The following TMEM200A variants were observed in gnomAD, a reference collection of about 807,000 sequenced individuals.
TMEM200A encodes two transmembrane C.
In TMEM200A, 12 loss-of-function variants were observed where a neutral mutation model predicts 24.3. The ratio of observed to expected loss-of-function variants is 0.49; its 90% CI spans 0.32 to 0.80. TMEM200A has a LOEUF of 0.80. Among genes scored for constraint, TMEM200A ranks in the 30% least tolerant of loss-of-function variants. The pLI is 0.04. For synonymous variants in TMEM200A, 224 were observed against 224.4 expected (o/e 1.00, Z 0.02); for missense variants, 545 against 614.4 (o/e 0.89, Z 1.19).
intron 1 of TMEM200A, among the ~76,000 whole-genome samples, chr6:130,373,274 T>G (rs1456658179): frequency 1.3e-5 from 2 of 152,162 alleles, no homozygotes. Flanking sequence ...AGAGATGTTG[T>G]TAGATTTTCT....
intron 1 of TMEM200A, chr6:130,381,948 C>G: frequency 1.0e-6 from 1 of 985,416 alleles, no homozygotes; most frequent in Non-Finnish European, 1.2e-6. Context: ...CACTCCAGAA[C>G]ACACTGCCAT....
chr6:130,414,224 G>A lies in TMEM200A; in HGVS notation c.-16-26183G>A, dbSNP rs536918822. On this transcript the variant is annotated intron_variant, in intron 2 of 2. Coordinates refer to ENST00000296978, the MANE Select transcript of TMEM200A (RefSeq NM_001258277.2). Reference sequence around the variant, plus strand: ...AAGTGTGTGGATCACTTGAGGTCAGGAGTTTGAGACCAGCCTGGCCAACAT... The same window carrying A: ...AAGTGTGTGGATCACTTGAGGTCAGAAGTTTGAGACCAGCCTGGCCAACAT... 4.1e-4 allele frequency among the ~76,000 whole-genome samples: 62 copies of A among 152,136 alleles called. No individual in the cohort carries two copies. In the South Asian group the frequency reaches 1.0e-2, roughly 24 times the overall value.
At chr6:130,423,342 G>A (rs550169725) in intron 2 of TMEM200A, among the ~76,000 whole-genome samples, 9 of 152,002 alleles carry the variant, frequency 5.9e-5, no homozygotes, top group South Asian at 2.1e-4. Flanking sequence ...AAATGAGATC[G>A]CTTACCACAT....
intron 1 of TMEM200A, among the ~76,000 whole-genome samples, chr6:130,368,777 GGA>G (rs1286685811): frequency 6.6e-6 from 1 of 152,186 alleles, no homozygotes; most frequent in East Asian, 1.9e-4. Flanking sequence ...GTGCAGACTG[GGA>G]AGCAGCATAG....
At chr6:130,434,932 G>C (rs959554208) in intron 2 of TMEM200A, among the ~76,000 whole-genome samples, 1 of 152,170 alleles carries the variant, frequency 6.6e-6, no homozygotes, top group South Asian at 2.1e-4. Context: ...GAAAGGCCTG[G>C]AGATAGCCCA....
At chr6:130,370,203 T>G (rs1300118949) in intron 1 of TMEM200A, among the ~76,000 whole-genome samples, 1 of 152,218 alleles carries the variant, frequency 6.6e-6, no homozygotes, top group Non-Finnish European at 1.5e-5. Context: ...TTTCTAAACC[T>G]ACATTCCTGG....
intron 2 of TMEM200A, among the ~76,000 whole-genome samples, chr6:130,400,444 G>A (rs753692816): frequency 1.1e-4 from 16 of 150,788 alleles, no homozygotes; most frequent in Non-Finnish European, 1.5e-4. Context: ...ATTATCTCCA[G>A]TTCTTGGGGT....
At chr6:130,365,984 G>A, upstream of TMEM200A, 1 of 985,692 alleles carries the variant, frequency 1.0e-6, no homozygotes, top group Non-Finnish European at 1.2e-6. Flanking sequence ...GCCTCTTCGG[G>A]GCTTTATGGC....
At chr6:130,409,171 C>A (rs1197221748) in intron 2 of TMEM200A, among the ~76,000 whole-genome samples, 4 of 152,168 alleles carry the variant, frequency 2.6e-5, no homozygotes. Context: ...TTCCTGCACC[C>A]TCTTTTCTTT....
intron 2 of TMEM200A, among the ~76,000 whole-genome samples, chr6:130,396,364 G>GTTT (rs77519811): frequency 1.5e-5 from 2 of 133,330 alleles, no homozygotes; most frequent in African/African-American, 2.7e-5. Context: ...TGACCAGTCT[G>GTTT]TTTTTTTTTT....
intron 2 of TMEM200A, among the ~76,000 whole-genome samples, chr6:130,411,248 A>G (rs1038972688): frequency 1.3e-5 from 2 of 152,146 alleles, no homozygotes; most frequent in Non-Finnish European, 2.9e-5. Context: ...TGTTGGGATG[A>G]ATGTCTTAGC....
chr6:130,385,963 A>G (rs1340929996), intron 2 of TMEM200A, among the ~76,000 whole-genome samples: 1 of 152,180 alleles, frequency 6.6e-6, no homozygotes, highest in Non-Finnish European at 1.5e-5. Context: ...CCTGAAGAAA[A>G]TTGTTTTGTA....
At chr6:130,436,357 G>A (rs928553702) in intron 2 of TMEM200A, among the ~76,000 whole-genome samples, 1 of 151,602 alleles carries the variant, frequency 6.6e-6, no homozygotes, top group Non-Finnish European at 1.5e-5. Context: ...AGTATGGCTT[G>A]TTACAGTGAG....
intron 2 of TMEM200A, among the ~76,000 whole-genome samples, chr6:130,408,607 G>T (rs1035518324): frequency 5.9e-5 from 9 of 152,126 alleles, no homozygotes; most frequent in Admixed American, 2.0e-4. Context: ...CTTGAGTGTG[G>T]GTAGTAGGGT....
At chr6:130,425,509 T>A (rs1779711231) in intron 2 of TMEM200A, among the ~76,000 whole-genome samples, 1 of 152,154 alleles carries the variant, frequency 6.6e-6, no homozygotes, top group Admixed American at 6.5e-5. Context: ...ATAAAAATAA[T>A]CCAGACACAC....
intron 2 of TMEM200A, among the ~76,000 whole-genome samples, chr6:130,431,043 T>G (rs117371919): frequency 0.018 from 2,782 of 152,302 alleles, 23 homozygotes; most frequent in Non-Finnish European, 0.027. Context: ...ATGTAAGACC[T>G]TTAGTAGCCT....
chr6:130,383,287 A>G (rs561704045), intron 1 of TMEM200A, among the ~76,000 whole-genome samples: 84 of 152,332 alleles, frequency 5.5e-4, no homozygotes, highest in African/African-American at 1.8e-3. Flanking sequence ...CAGCAATGCC[A>G]TCCTGAAAAG....
rs1308252486 is a variant in TMEM200A at position 130,422,082 on chromosome 6, A to T, written c.-16-18325A>T. On this transcript the variant is annotated intron_variant, in intron 2 of 2. Coordinates refer to ENST00000296978, the MANE Select transcript of TMEM200A (RefSeq NM_001258277.2). ...CTTCGGATAAATACACAGAAGAGAG[A>T]TTGCTGGATCGTATGGTAGTCCTGT... Among the ~76,000 whole-genome samples, 4 of 152,156 alleles carry T rather than the reference A, an allele frequency of 2.6e-5. No homozygotes were observed. The East Asian group carries it at 7.7e-4, about 29-fold the overall frequency.
At chr6:130,407,364 G>T (rs1414462252) in intron 2 of TMEM200A, among the ~76,000 whole-genome samples, 1 of 152,176 alleles carries the variant, frequency 6.6e-6, no homozygotes, top group African/African-American at 2.4e-5. Flanking sequence ...TGACAACAGG[G>T]TTAGTAGTTT....
Sources: allele counts gnomAD v4.1 joint callset (sites outside exome capture counted in the v4.1 genomes callset), GRCh38; gene constraint gnomAD v4.1.1; transcripts MANE v1.5; gene names NCBI Gene and HGNC (gene_info 2026-07-23, HGNC 2026-07-21).